The following IGSF21 variants were observed in gnomAD, a reference collection of about 807,000 sequenced individuals.
IGSF21 encodes immunoglobulin superfamily member 21.
Under a neutral mutation model 46.8 loss-of-function variants are expected in IGSF21, and 28 were observed. That is an observed-to-expected ratio of 0.60 (90% CI 0.44 to 0.82). The LOEUF (loss-of-function observed/expected upper bound fraction) is 0.82, where lower values mean the gene tolerates loss of function less well. Ranked by LOEUF, IGSF21 falls within the 40% of genes least tolerant of loss-of-function variation. IGSF21 has a pLI of 0.00. For missense variants in IGSF21, 624 were observed against 665.5 expected (o/e 0.94, Z 0.69); for synonymous variants, 284 against 273.6 (o/e 1.04, Z -0.38).
intron 1 of IGSF21, among the ~76,000 whole-genome samples, chr1:18,225,694 C>T (rs1419862023): frequency 6.6e-6 from 1 of 152,116 alleles, no homozygotes; most frequent in African/African-American, 2.4e-5. Context: ...GATTGAGCCA[C>T]GTGGCTCAGA....
intron 1 of IGSF21, among the ~76,000 whole-genome samples, chr1:18,139,896 G>A (rs2086400131): frequency 6.6e-6 from 1 of 152,124 alleles, no homozygotes; most frequent in East Asian, 1.9e-4. Context: ...TCTCAACCAA[G>A]GACAGACAGG....
intron 1 of IGSF21, among the ~76,000 whole-genome samples, chr1:18,148,511 G>T (rs955258880): frequency 6.6e-6 from 1 of 152,184 alleles, no homozygotes. Context: ...CTTGCCCAAG[G>T]CCACACAGCT....
Position 18,357,846 on chromosome 1 carries a change from T to C in IGSF21, c.425-4269T>C, listed in dbSNP as rs570362680. On this transcript the variant is annotated intron_variant, in intron 4 of 9. Coordinates refer to ENST00000251296, the MANE Select transcript of IGSF21 (RefSeq NM_032880.5). ...GATGGGAGTATATTGATGGGGAGGG[T>C]GTGGGAAGCCTGAGCTGTCCGTGCT... Among the ~76,000 whole-genome samples the C allele has an allele frequency of 6.6e-5, 10 of 151,638 alleles. No individual in the cohort carries two copies. The South Asian group carries it at 2.1e-3, about 32-fold the overall frequency.
chr1:18,298,747 G>A (rs759676881), intron 3 of IGSF21, among the ~76,000 whole-genome samples: 19 of 152,210 alleles, frequency 1.2e-4, no homozygotes, highest in South Asian at 6.2e-4. Flanking sequence ...CACAATAAGC[G>A]TTGGCTGCAT....
Position 18,365,712 on chromosome 1 carries a change from G to A in IGSF21, c.1015+15G>A, listed in dbSNP as rs188512264. The A allele has an allele frequency of 7.5e-5, 120 of 1,597,062 alleles. 1 individual carries two copies. The East Asian group carries it at 2.5e-3, about 33-fold the overall frequency. Reference sequence around the variant, plus strand: ...GGTCACGCTGGGTAAGACTTGGTGGGGGCCCTTCTGTAGAGCCCTTGCAGA... The same window carrying A: ...GGTCACGCTGGGTAAGACTTGGTGGAGGCCCTTCTGTAGAGCCCTTGCAGA... On this transcript the variant is annotated intron_variant, in intron 6 of 9. Transcript: ENST00000251296. The surrounding 1 kb of genome is among the most constrained non-coding windows in gnomAD (Gnocchi z 4.8).
At position 18,162,017 on chromosome 1, in the gene IGSF21, GT is replaced by G. The variant is rs1358755402; in HGVS notation, c.70+53824del. Among the ~76,000 whole-genome samples, 4 of 152,106 alleles carry G rather than the reference GT, an allele frequency of 2.6e-5. No individual in the cohort carries two copies. The East Asian group carries it at 7.7e-4, about 29-fold the overall frequency. ...CTAACTTACAATGATTCGATTTCCTGTTTTTCTTTCTTTCTTTTTCCTTTTC... is the reference window on the plus strand; with the variant it reads ...CTAACTTACAATGATTCGATTTCCTGTTTTCTTTCTTTCTTTTTCCTTTTC... On this transcript the variant is annotated intron_variant, in intron 1 of 9. Transcript: ENST00000251296.
At chr1:18,286,371 G>C (rs1310042123) in intron 2 of IGSF21, among the ~76,000 whole-genome samples, 9 of 152,180 alleles carry the variant, frequency 5.9e-5, no homozygotes, top group African/African-American at 1.9e-4. Flanking sequence ...TGGGATACAG[G>C]GCTCTTGGAG....
chr1:18,151,544 C>T (rs187822173), intron 1 of IGSF21, among the ~76,000 whole-genome samples: 113 of 152,336 alleles, frequency 7.4e-4, no homozygotes, highest in African/African-American at 2.6e-3. Flanking sequence ...GAGCAGGTCA[C>T]ATGGCCAAAT....
intron 2 of IGSF21, among the ~76,000 whole-genome samples, chr1:18,254,209 C>T (rs998753352): frequency 1.3e-5 from 2 of 151,052 alleles, no homozygotes; most frequent in African/African-American, 4.9e-5. Context: ...TAACCCCAGG[C>T]TGAGAAGTGA....
At chr1:18,137,713 A>C (rs923384704) in intron 1 of IGSF21, among the ~76,000 whole-genome samples, 6 of 152,148 alleles carry the variant, frequency 3.9e-5, no homozygotes, top group Non-Finnish European at 5.9e-5. Flanking sequence ...AAGGATTTTC[A>C]TGTGTTTATC....
intron 1 of IGSF21, among the ~76,000 whole-genome samples, chr1:18,217,533 T>A (rs2084461784): frequency 6.6e-6 from 1 of 152,230 alleles, no homozygotes; most frequent in Non-Finnish European, 1.5e-5. Context: ...CTGGCCCTCC[T>A]TGCAGACTTT....
rs143893016 is a variant in IGSF21, at chr1:18,251,037, C to T, written c.183+23027C>T. On this transcript the variant is annotated intron_variant, in intron 2 of 9. Coordinates refer to ENST00000251296, the MANE Select transcript of IGSF21 (RefSeq NM_032880.5). The stretch of plus-strand genomic sequence containing the variant: ...GACAAGGAGTTAGCCAAGCAAAGAC[C>T]TGAGGGAAGAGCATGCCAGGCAGAG... Among the ~76,000 whole-genome samples, 599 of 152,102 alleles carry T rather than the reference C, an allele frequency of 3.9e-3. 4 individuals are homozygous for T. The highest frequency in any genetic ancestry group is 6.6e-3 in the Non-Finnish European group (450 of 67,996).
At chr1:18,141,158 A>T (rs997137921) in intron 1 of IGSF21, among the ~76,000 whole-genome samples, 1 of 152,220 alleles carries the variant, frequency 6.6e-6, no homozygotes, top group Non-Finnish European at 1.5e-5. Flanking sequence ...ATCCAGGCTG[A>T]TGGGAATTGG....
At chr1:18,148,660 T>C (rs1345480044) in intron 1 of IGSF21, among the ~76,000 whole-genome samples, 2 of 152,192 alleles carry the variant, frequency 1.3e-5, no homozygotes. Context: ...CAGTGCCTAG[T>C]GCAAGGCCTG....
intron 1 of IGSF21, among the ~76,000 whole-genome samples, chr1:18,125,760 A>T (rs928374034): frequency 3.9e-5 from 6 of 152,244 alleles, no homozygotes; most frequent in African/African-American, 1.2e-4. Flanking sequence ...ACGTGAACAG[A>T]TAACGTAAGG....
chr1:18,206,959 G>C (rs2084334684), intron 1 of IGSF21, among the ~76,000 whole-genome samples: 1 of 152,198 alleles, frequency 6.6e-6, no homozygotes, highest in African/African-American at 2.4e-5. Context: ...TTAGAAGTCT[G>C]AGTAGGCTAC....
At chr1:18,162,433 G>A (rs1017321426) in intron 1 of IGSF21, among the ~76,000 whole-genome samples, 4 of 152,152 alleles carry the variant, frequency 2.6e-5, no homozygotes. Flanking sequence ...GAATTTTGAT[G>A]CAGTGGGAAA....
chr1:18,340,990 T>C (rs1424286456), intron 4 of IGSF21, among the ~76,000 whole-genome samples: 3 of 135,928 alleles, frequency 2.2e-5, no homozygotes, highest in African/African-American at 2.9e-5. Context: ...TTCTCCTTCT[T>C]CTTCTCCTCC....
intron 1 of IGSF21, among the ~76,000 whole-genome samples, chr1:18,160,657 C>T (rs185492447): frequency 1.3e-3 from 198 of 152,184 alleles, no homozygotes; most frequent in African/African-American, 4.3e-3. Flanking sequence ...TTCGGTGTGA[C>T]GATGGCTGCT....
Sources: allele counts gnomAD v4.1 joint callset (sites outside exome capture counted in the v4.1 genomes callset), GRCh38; gene constraint gnomAD v4.1.1; non-coding constraint Gnocchi (gnomAD v3.1); transcripts MANE v1.5; gene names NCBI Gene and HGNC (gene_info 2026-07-23, HGNC 2026-07-21).